Variants in ERBB4 observed in about 807,000 individuals in gnomAD.
ERBB4 encodes the protein erb-b2 receptor tyrosine kinase 4.
Under a neutral mutation model 158.0 loss-of-function variants are expected in ERBB4, and 42 were observed. That is an observed-to-expected ratio of 0.27 (90% CI 0.21 to 0.34). The LOEUF is 0.34. Ranked by LOEUF, ERBB4 falls within the 10% of genes least tolerant of loss-of-function variation. The pLI is 1.00. For missense variants in ERBB4, 1,333 were observed against 1,624.1 expected, an observed-to-expected ratio of 0.82 and a Z score of 3.08; for synonymous variants, 583 against 558.7, an observed-to-expected ratio of 1.04 and a Z score of -0.61.
At chr2:211,957,797 C>T (rs183896574) in intron 2 of ERBB4, among the ~76,000 whole-genome samples, 1 of 152,050 alleles carries the variant, frequency 6.6e-6, no homozygotes, top group Non-Finnish European at 1.5e-5. Context: ...CTACACATCA[C>T]CAAAGTTTAG....
chr2:212,487,211 A>G (rs1690024218), intron 1 of ERBB4, among the ~76,000 whole-genome samples: 1 of 152,178 alleles, frequency 6.6e-6, no homozygotes, highest in South Asian at 2.1e-4. Flanking sequence ...AGGGATTGTA[A>G]CAGCATTAAA....
chr2:212,260,070 G>GAA (rs750606432), intron 1 of ERBB4, among the ~76,000 whole-genome samples: 6 of 56,908 alleles, frequency 1.1e-4, no homozygotes, highest in Admixed American at 3.8e-4. Flanking sequence ...CTCTGTCTCA[G>GAA]AAAAAAAAAA....
In ERBB4 at chr2:211,748,655, C is replaced by G. The variant is rs537789607; in HGVS notation, c.622+1984G>C. On this transcript the variant is annotated intron_variant, in intron 5 of 27. Coordinates refer to ENST00000342788, the MANE Select transcript of ERBB4 (RefSeq NM_005235.3). ...GCCCACCAGAGTGGCTCAGCCACAACAAGGAGCTTTTGCAGAAGCCTCTTT... is the reference window on the plus strand; with the variant it reads ...GCCCACCAGAGTGGCTCAGCCACAAGAAGGAGCTTTTGCAGAAGCCTCTTT... Among the ~76,000 whole-genome samples the G allele has an allele frequency of 2.6e-5, 4 of 152,260 alleles. No individual in the cohort carries two copies. In the East Asian group the frequency reaches 7.7e-4, roughly 29 times the overall value.
chr2:212,421,102 A>G (rs1009632714), intron 1 of ERBB4, among the ~76,000 whole-genome samples: 5 of 152,154 alleles, frequency 3.3e-5, no homozygotes, highest in Admixed American at 2.6e-4. Context: ...TAAAGCCTAA[A>G]CATAATTCAT....
At chr2:212,342,451 C>T (rs750513065) in intron 1 of ERBB4, among the ~76,000 whole-genome samples, 13 of 152,114 alleles carry the variant, frequency 8.5e-5, no homozygotes, top group South Asian at 2.1e-4. Flanking sequence ...ATGTGCCTTC[C>T]GTCATAATTG....
At chr2:212,374,491 G>A (rs895873921) in intron 1 of ERBB4, among the ~76,000 whole-genome samples, 5 of 151,990 alleles carry the variant, frequency 3.3e-5, no homozygotes, top group African/African-American at 1.2e-4. Context: ...CAAACGATGT[G>A]TGTGTGTGTA....
chr2:212,150,527 G>T (rs1285867793), intron 1 of ERBB4, among the ~76,000 whole-genome samples: 1 of 152,072 alleles, frequency 6.6e-6, no homozygotes, highest in African/African-American at 2.4e-5. Flanking sequence ...CTAATAACAT[G>T]AATGTTTTCT....
intron 1 of ERBB4, among the ~76,000 whole-genome samples, chr2:212,525,917 T>G (rs968062891): frequency 2.2e-4 from 34 of 152,110 alleles, no homozygotes; most frequent in African/African-American, 8.2e-4. Flanking sequence ...GTAAAACTCT[T>G]GAATACCAAA....
intron 1 of ERBB4, among the ~76,000 whole-genome samples, chr2:212,260,268 G>C (rs1416278401): frequency 3.3e-5 from 5 of 152,070 alleles, no homozygotes; most frequent in Non-Finnish European, 7.4e-5. Context: ...AGTCCAAAAG[G>C]ATATTTGCAG....
At chr2:211,929,125 G>T (rs1231000788) in intron 3 of ERBB4, among the ~76,000 whole-genome samples, 1 of 152,018 alleles carries the variant, frequency 6.6e-6, no homozygotes, top group Non-Finnish European at 1.5e-5. Context: ...CCTCAGTACA[G>T]TTTGTGATCT....
At chr2:212,290,525 G>A (rs1329871873) in intron 1 of ERBB4, among the ~76,000 whole-genome samples, 3 of 152,146 alleles carry the variant, frequency 2.0e-5, no homozygotes, top group Non-Finnish European at 4.4e-5. Flanking sequence ...GGGAAGGGAA[G>A]CTCCTTAGGG....
chr2:212,057,667 C>T (rs1461314770), intron 2 of ERBB4, among the ~76,000 whole-genome samples: 1 of 152,190 alleles, frequency 6.6e-6, no homozygotes, highest in African/African-American at 2.4e-5. Flanking sequence ...GAACAACCTG[C>T]TCCTGAATGA....
chr2:212,515,614 A>T (rs1013388980), intron 1 of ERBB4, among the ~76,000 whole-genome samples: 1 of 151,936 alleles, frequency 6.6e-6, no homozygotes, highest in African/African-American at 2.4e-5. Context: ...CTATATGAAG[A>T]TAAAAAATAA....
chr2:212,268,791 C>A (rs1206581000), intron 1 of ERBB4, among the ~76,000 whole-genome samples: 1 of 151,772 alleles, frequency 6.6e-6, no homozygotes, highest in East Asian at 1.9e-4. Flanking sequence ...TTTGCCAAAT[C>A]CTGCTCTAGT....
chr2:211,805,336 C>T (rs1559533572), intron 3 of ERBB4, among the ~76,000 whole-genome samples: 1 of 151,960 alleles, frequency 6.6e-6, no homozygotes, highest in South Asian at 2.1e-4. Context: ...TGAGTGAGAA[C>T]AAGAATCTGT....
chr2:211,731,440 A>G (rs2106152872), intron 5 of ERBB4, among the ~76,000 whole-genome samples: 1 of 152,224 alleles, frequency 6.6e-6, no homozygotes, highest in Non-Finnish European at 1.5e-5. Context: ...ACTAGAAGGG[A>G]GAAATACTTG....
chr2:212,123,632 T>C (rs2079828734), intron 2 of ERBB4, among the ~76,000 whole-genome samples: 1 of 152,214 alleles, frequency 6.6e-6, no homozygotes, highest in East Asian at 1.9e-4. Flanking sequence ...AGTCCAACTA[T>C]GAGAGTCGTT....
chr2:212,396,769 A>G (rs1423950301), intron 1 of ERBB4, among the ~76,000 whole-genome samples: 1 of 152,096 alleles, frequency 6.6e-6, no homozygotes, highest in Admixed American at 6.6e-5. Context: ...GTTTTTTTGA[A>G]TTATTTCTTA....
chr2:211,485,019 TA>T (rs1345301033), intron 20 of ERBB4, among the ~76,000 whole-genome samples: 2 of 152,074 alleles, frequency 1.3e-5, no homozygotes, highest in Non-Finnish European at 2.9e-5. Context: ...AGCTAAAAGG[TA>T]AAATTCAAGG....
Sources: gnomAD v4.1 joint callset for allele counts (sites outside exome capture counted in the v4.1 genomes callset) on GRCh38, gnomAD v4.1.1 for gene constraint, MANE v1.5 for transcripts, NCBI Gene and HGNC (gene_info 2026-07-23, HGNC 2026-07-21) for gene names.